The following TULP4 variants were observed in gnomAD, a reference collection of about 807,000 sequenced individuals.
The protein encoded by TULP4 is tubby-related protein 4.
A neutral mutation model predicts 129.0 loss-of-function variants in TULP4; 16 were observed. The ratio of observed to expected loss-of-function variants is 0.12; its 90% CI spans 0.08 to 0.19. TULP4 has a LOEUF of 0.19. Among genes scored for constraint, TULP4 ranks in the 10% least tolerant of loss-of-function variants. TULP4 has a pLI of 1.00. For missense variants in TULP4, 1,842 were observed against 2,059.1 expected (o/e 0.89, Z 2.04); for synonymous variants, 998 against 854.0 (o/e 1.17, Z -2.94).
At chr6:158,335,268 C>T (rs1192246499) in intron 1 of TULP4, among the ~76,000 whole-genome samples, 2 of 91,502 alleles carry the variant, frequency 2.2e-5, no homozygotes, top group Non-Finnish European at 4.3e-5. Flanking sequence ...CAGAGCGAGA[C>T]TGTCTCAAAA....
intron 1 of TULP4, chr6:158,238,103 T>C (rs1777755941): frequency 1.4e-6 from 1 of 727,450 alleles, no homozygotes; most frequent in South Asian, 1.4e-5. Flanking sequence ...TGGTCACTAA[T>C]GCAGACACCA....
intron 1 of TULP4, among the ~76,000 whole-genome samples, chr6:158,348,311 G>GA (rs1454247978): frequency 6.6e-6 from 1 of 151,956 alleles, no homozygotes; most frequent in African/African-American, 2.4e-5. Context: ...TTCCTAGGCA[G>GA]AGGTCCCTGC....
At chr6:158,441,014 T>C (rs1381997524) in intron 3 of TULP4, among the ~76,000 whole-genome samples, 1 of 152,206 alleles carries the variant, frequency 6.6e-6, no homozygotes, top group African/African-American at 2.4e-5. Context: ...TAAAAATCTT[T>C]CTTGAGATTT....
chr6:158,386,701 A>G (rs1264069067), intron 1 of TULP4, among the ~76,000 whole-genome samples: 1 of 152,228 alleles, frequency 6.6e-6, no homozygotes, highest in African/African-American at 2.4e-5. Flanking sequence ...GAGGCATAAA[A>G]CAGACTGCCT....
intron 1 of TULP4, among the ~76,000 whole-genome samples, chr6:158,337,035 T>TTTTCTTTCTTTC (rs777358592): frequency 0.09 from 2,397 of 26,584 alleles, 86 homozygotes; most frequent in African/African-American, 0.14. Flanking sequence ...CTTTCTTTCT[T>TTTTCTTTCTTTC]TTTCTTTCTT....
chr6:158,436,954 G>C (rs1778767313), intron 3 of TULP4, among the ~76,000 whole-genome samples: 1 of 152,212 alleles, frequency 6.6e-6, no homozygotes, highest in African/African-American at 2.4e-5. Flanking sequence ...CTTCTCATCT[G>C]CTAAGGAGGT....
At chr6:158,331,763 A>C (rs1779895586) in intron 1 of TULP4, among the ~76,000 whole-genome samples, 1 of 24,664 alleles carries the variant, frequency 4.1e-5, no homozygotes. Context: ...ACACGTGTAT[A>C]TATACACGTA....
chr6:158,239,083 G>C (rs1159175714), intron 1 of TULP4, among the ~76,000 whole-genome samples: 28 of 92,650 alleles, frequency 3.0e-4, no homozygotes, highest in South Asian at 1.2e-3. Flanking sequence ...CCTCCCGGAC[G>C]GGGCGGCTGG....
intron 1 of TULP4, among the ~76,000 whole-genome samples, chr6:158,357,946 G>A (rs913796069): frequency 3.9e-5 from 6 of 152,152 alleles, no homozygotes; most frequent in South Asian, 2.1e-4. Context: ...TGGGTGTGAC[G>A]CTCATTCTTC....
chr6:158,316,655 G>A (rs373328417), intron 1 of TULP4, among the ~76,000 whole-genome samples: 10 of 151,990 alleles, frequency 6.6e-5, no homozygotes, highest in African/African-American at 2.4e-4. Flanking sequence ...AGACTTGGTG[G>A]CTTAAAACGT....
At chr6:158,332,465 C>G (rs1779933862) in intron 1 of TULP4, among the ~76,000 whole-genome samples, 1 of 151,938 alleles carries the variant, frequency 6.6e-6, no homozygotes, top group Non-Finnish European at 1.5e-5. Context: ...AGGAGGCTGT[C>G]CCTCCATGGT....
rs369723150 is a variant in TULP4 at position 158,504,079 on chromosome 6, G to A, written c.4416G>A (p.Pro1472=). Residue 1472 remains proline, a synonymous_variant, in exon 13 of 14, where the codon CCG becomes CCA. Transcript: ENST00000367097. ...GFVYVMANKQ[P]LWNEATQVYQ... ...TGTACGTGATGGCCAACAAGCAGCC[G>A]CTGTGGAACGAGGCCACCCAGGTCT... 47 of 1,608,072 alleles carry A rather than the reference G, an allele frequency of 2.9e-5. No individual in the cohort carries two copies. Among genetic ancestry groups the A allele is most frequent in the African/African-American group, 5.3e-5 (4 of 74,878 alleles).
At chr6:158,237,101 G>A (rs2128441767) in intron 1 of TULP4, among the ~76,000 whole-genome samples, 1 of 152,002 alleles carries the variant, frequency 6.6e-6, no homozygotes, top group Non-Finnish European at 1.5e-5. Flanking sequence ...GAGCCACCGT[G>A]CCCGGCCATA....
intron 11 of TULP4, among the ~76,000 whole-genome samples, chr6:158,497,534 G>A (rs1167333339): frequency 6.6e-6 from 1 of 152,120 alleles, no homozygotes; most frequent in Admixed American, 6.5e-5. Context: ...CTTTCCTGGA[G>A]GTAACTGATG....
At chr6:158,342,757 T>C (rs1329850603) in intron 1 of TULP4, among the ~76,000 whole-genome samples, 1 of 152,206 alleles carries the variant, frequency 6.6e-6, no homozygotes, top group Non-Finnish European at 1.5e-5. Flanking sequence ...ACTAGCTGTA[T>C]AATCTTCAAC....
Position 158,452,161 on chromosome 6 carries a change from T to C in TULP4, c.752T>C (p.Val251Ala). The C allele has an allele frequency of 6.2e-7, 1 of 1,614,204 alleles. No individual in the cohort carries two copies. The highest frequency in any genetic ancestry group is 8.5e-7 in the Non-Finnish European group (1 of 1,180,024). ...GGTCCGGCAGCATATCCCATCCCAG[T>C]GCAGAACATCAAGCCTCTGCTCACC... ...QDGPAAYPIP[V>A]QNIKPLLTVS... Residue 251 changes from valine (V) to alanine (A), a missense_variant, in exon 5 of 14, where the codon GTG (valine) becomes GCG (alanine). This residue lies in a region of TULP4 where 456 missense variants were observed against 534.3 expected (regional missense o/e 0.85). Coordinates refer to ENST00000367097, the MANE Select transcript of TULP4 (RefSeq NM_020245.5).
chr6:158,420,630 C>G (rs1033455023), intron 2 of TULP4, among the ~76,000 whole-genome samples: 2 of 148,944 alleles, frequency 1.3e-5, no homozygotes, highest in African/African-American at 5.0e-5. Context: ...TACAGGCACC[C>G]GCCACTACAC....
intron 3 of TULP4, among the ~76,000 whole-genome samples, chr6:158,442,345 C>T (rs1778916351): frequency 6.6e-6 from 1 of 152,118 alleles, no homozygotes; most frequent in African/African-American, 2.4e-5. Flanking sequence ...GAAAGGATTT[C>T]AGGCTGACAC....
intron 1 of TULP4, among the ~76,000 whole-genome samples, chr6:158,300,521 G>C (rs577117850): frequency 2.0e-4 from 30 of 152,284 alleles, no homozygotes; most frequent in African/African-American, 7.2e-4. Flanking sequence ...AAGTTACTCT[G>C]GTAATACGGG....
Sources: allele counts gnomAD v4.1 joint callset (sites outside exome capture counted in the v4.1 genomes callset), GRCh38; gene constraint gnomAD v4.1.1; regional missense constraint gnomAD v4.1.1; transcripts MANE v1.5; gene names NCBI Gene and HGNC (gene_info 2026-07-23, HGNC 2026-07-21).